FOXP2: variants seen among roughly 807,000 people sequenced by gnomAD.
FOXP2 encodes forkhead box protein P2.
Under a neutral mutation model 115.8 loss-of-function variants are expected in FOXP2, and 12 were observed. The ratio of observed to expected loss-of-function variants is 0.10; its 90% CI spans 0.07 to 0.17. FOXP2 has a LOEUF of 0.17. Among genes scored for constraint, FOXP2 ranks in the 10% least tolerant of loss-of-function variants. The pLI is 1.00. For missense variants in FOXP2, 629 were observed against 843.5 expected (o/e 0.75, Z 3.15); for synonymous variants, 328 against 297.7 (o/e 1.10, Z -1.05).
intron 2 of FOXP2, among the ~76,000 whole-genome samples, chr7:114,392,126 G>A (rs1792618569): frequency 6.6e-6 from 1 of 152,184 alleles, no homozygotes; most frequent in Admixed American, 6.5e-5. Context: ...TGCTCACATA[G>A]TGAGATTCTG....
At chr7:114,103,077 T>A (rs1791028463) in intron 1 of FOXP2, among the ~76,000 whole-genome samples, 1 of 151,978 alleles carries the variant, frequency 6.6e-6, no homozygotes, top group Admixed American at 6.6e-5. Flanking sequence ...ATTACATAAT[T>A]TTACCAGAGT....
intron 2 of FOXP2, among the ~76,000 whole-genome samples, chr7:114,303,236 G>A (rs1168066465): frequency 6.6e-6 from 1 of 152,132 alleles, no homozygotes; most frequent in East Asian, 1.9e-4. Flanking sequence ...AATGATTTTT[G>A]AAGGATAAAA....
intron 3 of FOXP2, among the ~76,000 whole-genome samples, chr7:114,535,541 C>A (rs1318857530): frequency 1.3e-5 from 2 of 151,272 alleles, no homozygotes; most frequent in Non-Finnish European, 3.0e-5. Flanking sequence ...AAAAACAAAA[C>A]AAAACAATTT....
chr7:114,485,978 T>A (rs1252808401), intron 2 of FOXP2, among the ~76,000 whole-genome samples: 2 of 152,022 alleles, frequency 1.3e-5, no homozygotes, highest in East Asian at 1.9e-4. Context: ...CAAAATGGAG[T>A]CAATACTACT....
intron 2 of FOXP2, among the ~76,000 whole-genome samples, chr7:114,316,695 C>G (rs1443374605): frequency 6.6e-6 from 1 of 152,000 alleles, no homozygotes; most frequent in Non-Finnish European, 1.5e-5. Context: ...ATGCAAAAGC[C>G]TAGGAGAGTT....
chr7:114,641,155 CTTAG>C (rs1805506580), intron 6 of FOXP2, among the ~76,000 whole-genome samples: 1 of 152,140 alleles, frequency 6.6e-6, no homozygotes, highest in Admixed American at 6.6e-5. Context: ...TAACTTCTCT[CTTAG>C]TTTGTTTCCT....
intron 1 of FOXP2, among the ~76,000 whole-genome samples, chr7:114,223,863 A>AT (rs1277833866): frequency 1.3e-5 from 2 of 151,832 alleles, no homozygotes; most frequent in Non-Finnish European, 2.9e-5. Flanking sequence ...TATCAAAAAA[A>AT]TTTTTTTATG....
At chr7:114,240,684 C>T (rs187123412) in intron 1 of FOXP2, among the ~76,000 whole-genome samples, 1 of 151,816 alleles carries the variant, frequency 6.6e-6, no homozygotes, top group African/African-American at 2.4e-5. Context: ...TATACAGATT[C>T]TTGAAAATAT....
intron 1 of FOXP2, among the ~76,000 whole-genome samples, chr7:114,264,011 T>A (rs1180165320): frequency 6.6e-6 from 1 of 152,096 alleles, no homozygotes. Flanking sequence ...TTTGCCTGTT[T>A]AGCTTCCTTA....
At chr7:114,578,731 T>C (rs555715242) in intron 3 of FOXP2, among the ~76,000 whole-genome samples, 1 of 152,238 alleles carries the variant, frequency 6.6e-6, no homozygotes, top group African/African-American at 2.4e-5. Flanking sequence ...CTTGACTACA[T>C]GTGGTTTGTT....
chr7:114,092,838 CA>C (rs1427500283), intron 1 of FOXP2, among the ~76,000 whole-genome samples: 1 of 151,952 alleles, frequency 6.6e-6, no homozygotes, highest in Non-Finnish European at 1.5e-5. Flanking sequence ...TTTTTGTTTT[CA>C]ATTTTTTTCC....
chr7:114,632,097 A>G (rs139048668), intron 6 of FOXP2, among the ~76,000 whole-genome samples: 1 of 152,326 alleles, frequency 6.6e-6, no homozygotes, highest in African/African-American at 2.4e-5. Context: ...GACAACTGAT[A>G]AAAGAAAGAT....
intron 1 of FOXP2, among the ~76,000 whole-genome samples, chr7:114,171,659 A>G (rs936023854): frequency 6.6e-6 from 1 of 152,192 alleles, no homozygotes. Context: ...TATGCCTGTT[A>G]ACACATCCAT....
Position 114,174,038 on chromosome 7 carries a change from A to G in FOXP2, c.-102+10950A>G, listed in dbSNP as rs143644343. Among the ~76,000 whole-genome samples, 73 of 152,126 alleles carry G rather than the reference A, an allele frequency of 4.8e-4. 1 individual carries two copies. In the East Asian group the frequency reaches 0.013, roughly 27 times the overall value. ...CTTTATTTGGTTATATAAAATTTAA[A>G]TGATCAAATATTTAAAATACCTGAC... On this transcript the variant is annotated intron_variant, in intron 1 of 17. Coordinates refer to the FOXP2 transcript ENST00000634411.
chr7:114,124,497 C>A (rs1791649976), intron 1 of FOXP2, among the ~76,000 whole-genome samples: 1 of 151,934 alleles, frequency 6.6e-6, no homozygotes, highest in African/African-American at 2.4e-5. Context: ...CTCTTTGGAT[C>A]CAATGGTGCT....
At chr7:114,595,399 T>C (rs1029138056) in intron 3 of FOXP2, among the ~76,000 whole-genome samples, 1 of 152,076 alleles carries the variant, frequency 6.6e-6, no homozygotes. Context: ...AAATAGTATC[T>C]GTCTCAGAAC....
chr7:114,254,435 A>G (rs1344105600), intron 1 of FOXP2, among the ~76,000 whole-genome samples: 2 of 152,190 alleles, frequency 1.3e-5, no homozygotes, highest in African/African-American at 4.8e-5. Flanking sequence ...TACACCAATC[A>G]GACATAGATT....
At chr7:114,221,532 G>A (rs1447287539) in intron 1 of FOXP2, among the ~76,000 whole-genome samples, 1 of 152,046 alleles carries the variant, frequency 6.6e-6, no homozygotes, top group Non-Finnish European at 1.5e-5. Flanking sequence ...TTTTCCATGT[G>A]TATCTTCCTA....
At chr7:114,427,665 T>A (rs1793919043) in intron 2 of FOXP2, among the ~76,000 whole-genome samples, 1 of 151,632 alleles carries the variant, frequency 6.6e-6, no homozygotes. Context: ...TTGCAAATTA[T>A]GTGAAATAAT....
Sources: gnomAD v4.1 joint callset for allele counts (sites outside exome capture counted in the v4.1 genomes callset) on GRCh38, gnomAD v4.1.1 for gene constraint, MANE v1.5 for transcripts, NCBI Gene and HGNC (gene_info 2026-07-23, HGNC 2026-07-21) for gene names.